PTGIR: variants seen among roughly 807,000 people sequenced by gnomAD.
PTGIR encodes prostacyclin receptor.
A neutral mutation model predicts 17.6 loss-of-function variants in PTGIR; 16 were observed. The ratio of observed to expected loss-of-function variants is 0.91; its 90% confidence interval spans 0.61 to 1.38. The LOEUF is 1.38. Ranked by LOEUF, PTGIR falls within the 40% of genes most tolerant of loss-of-function variation. The probability of loss-of-function intolerance (pLI) is 0.00; values close to 1 mark genes in which losing one functional copy is unlikely to be tolerated. For synonymous variants in PTGIR, 274 were observed against 255.4 expected (o/e 1.07, Z -0.69); for missense variants, 532 against 548.6 (o/e 0.97, Z 0.30).
At position 46,623,876 on chromosome 19, in the gene PTGIR, C is replaced by A. The variant is rs1194210221; in HGVS notation, c.350G>T (p.Arg117Leu). 6.2e-7 allele frequency: 1 copy of A among 1,610,252 alleles called. No individual in the cohort carries two copies. Among genetic ancestry groups the A allele is most frequent in the East Asian group, 2.2e-5 (1 of 44,808 alleles). The change falls in exon 2 of 3, where the codon CGC becomes CTC. Residue 117 changes from arginine to leucine, a missense_variant. Coordinates refer to ENST00000291294, the MANE Select transcript of PTGIR (RefSeq NM_000960.4). ...GTAGGGGTGGCTCAGCGCCAGGCAG[C>A]GCTCCACGGCCATGGCAAAGAGGAT... is the stretch of plus-strand genomic sequence containing the variant. ...MLILFAMAVE[R>L]CLALSHPYLY...
chr19:46,619,531 AAGAAAGAAAGAAAGAAAG>A (rs1426126089), downstream of PTGIR, among the ~76,000 whole-genome samples: 26 of 70,548 alleles, frequency 3.7e-4, no homozygotes, highest in Non-Finnish European at 5.7e-4. Context: ...GAAAGAAAGA[AAGAAAGAAAGAAAGAAAG>A]AGAGAGAGAG....
At chr19:46,619,638 AAAG>A (rs1972026972), downstream of PTGIR, among the ~76,000 whole-genome samples, 1 of 138,580 alleles carries the variant, frequency 7.2e-6, no homozygotes, top group African/African-American at 2.9e-5. Flanking sequence ...AGAAAGAAAG[AAAG>A]AAAGAAAGAA....
At chr19:46,614,675 G>C in the PTGIR span, among the ~76,000 whole-genome samples, 1 of 152,152 alleles carries the variant, frequency 6.6e-6, no homozygotes, top group Non-Finnish European at 1.5e-5. Flanking sequence ...TCAGGAGTTT[G>C]AGACCAGCCT....
At chr19:46,616,681 C>T (rs1186808211), downstream of PTGIR, among the ~76,000 whole-genome samples, 1 of 152,182 alleles carries the variant, frequency 6.6e-6, no homozygotes, top group African/African-American at 2.4e-5. Context: ...CTCAGGTCCC[C>T]GCTCAGCCAT....
chr19:46,611,011 G>A, the PTGIR span, among the ~76,000 whole-genome samples: 493 of 152,288 alleles, frequency 3.2e-3, 4 homozygotes, highest in African/African-American at 0.011. Context: ...AGAGATAGTC[G>A]CACAAATGGA....
In PTGIR at chr19:46,623,674, G is replaced by T; in HGVS notation, c.552C>A (p.Phe184Leu). ...CCACCAGGCCGGCGTAGGCCAGCGA[G>T]AAGGCGGCGCCGCCCGGCTGGGCCC... ...MRWAQPGGAA[F>L]SLAYAGLVAL... is the part of the protein sequence containing the mutation. Residue 184 changes from phenylalanine to leucine, a missense_variant, in exon 2 of 3, where the codon TTC (phenylalanine) becomes TTA (leucine). Physicochemically the swap from Phe to Leu is conservative, Grantham distance 22 (BLOSUM62 0). Coordinates refer to ENST00000291294, the MANE Select transcript of PTGIR (RefSeq NM_000960.4). 1 of 1,550,584 alleles carries T rather than the reference G, an allele frequency of 6.4e-7. No individual in the cohort carries two copies. Among genetic ancestry groups the T allele is most frequent in the Non-Finnish European group, 8.7e-7 (1 of 1,150,362 alleles).
chr19:46,615,268 A>G, the PTGIR span, among the ~76,000 whole-genome samples: 1 of 152,256 alleles, frequency 6.6e-6, no homozygotes, highest in Non-Finnish European at 1.5e-5. Flanking sequence ...TTTGCATTGA[A>G]TTAGGTGTTA....
chr19:46,614,145 C>A, the PTGIR span, among the ~76,000 whole-genome samples: 23,447 of 152,192 alleles, frequency 0.15, 2,070 homozygotes, highest in African/African-American at 0.23. Flanking sequence ...GTCTACCAGA[C>A]CAGCTCAAAA....
chr19:46,619,547 AAGAGAGAGAGAGAG>A (rs200797814), downstream of PTGIR, among the ~76,000 whole-genome samples: 161 of 87,864 alleles, frequency 1.8e-3, 2 homozygotes, highest in South Asian at 8.5e-3. Context: ...GAAAGAAAGA[AAGAGAGAGAGAGAG>A]AGAGAGAGAG....
Position 46,625,032 on chromosome 19 carries a change from G to C in PTGIR, c.-48C>G, listed in dbSNP as rs1358622913. The C allele has an allele frequency of 6.5e-6, 1 of 153,904 alleles. No individual in the cohort carries two copies. Among genetic ancestry groups the C allele is most frequent in the Non-Finnish European group, 1.4e-5 (1 of 69,208 alleles). The allele number at this position is 153,904 out of a possible 1,614,324, so 9.5% of individuals were successfully genotyped here. ...TTGCCCAGGCTCTCCTGTCCCGTGCGTCTGTGCCTTCACTTGCTTTGCTCC... is the reference window on the plus strand; with the variant it reads ...TTGCCCAGGCTCTCCTGTCCCGTGCCTCTGTGCCTTCACTTGCTTTGCTCC... On this transcript the variant is annotated 5_prime_UTR_variant, in exon 1 of 3. Transcript: ENST00000291294. This position sits in a 1 kb window ranked among gnomAD's most constrained non-coding sequence, Gnocchi z 4.9.
Position 46,621,270 on chromosome 19 carries a change from G to T in PTGIR, c.*10C>A. On this transcript the variant is annotated 3_prime_UTR_variant, in exon 3 of 3. Coordinates refer to ENST00000291294, the MANE Select transcript of PTGIR (RefSeq NM_000960.4). The surrounding 1 kb of genome is among the most constrained non-coding windows in gnomAD (Gnocchi z 4.8). ...AGACAGGGCAGAGATCACAGGGTCA[G>T]CTTGAAATGTCAGCAGAGGGAGCAG... is the stretch of plus-strand genomic sequence containing the variant. 6.6e-7 allele frequency: 1 copy of T among 1,504,676 alleles called. No individual in the cohort carries two copies. Among genetic ancestry groups the T allele is most frequent in the Non-Finnish European group, 8.9e-7 (1 of 1,125,820 alleles). 93.2% of individuals were successfully genotyped at this position (1,504,676 alleles called of 1,614,324 possible).
chr19:46,624,440 C>T, intron 1 of PTGIR: 2 of 448,544 alleles, frequency 4.5e-6, no homozygotes, highest in Non-Finnish European at 7.8e-6. Flanking sequence ...CTTCCTGTTT[C>T]TCTTTCTCTC....
chr19:46,618,618 A>T (rs889816916), downstream of PTGIR, among the ~76,000 whole-genome samples: 11 of 151,866 alleles, frequency 7.2e-5, no homozygotes, highest in African/African-American at 2.2e-4. Context: ...TATTTTTTAA[A>T]TTTTTTTTTA....
the PTGIR span, among the ~76,000 whole-genome samples, chr19:46,613,959 C>A: frequency 1.3e-5 from 2 of 152,208 alleles, no homozygotes; most frequent in African/African-American, 4.8e-5. Flanking sequence ...ACTTTTACTG[C>A]CAGACAGGCT....
At chr19:46,613,145 G>A in the PTGIR span, among the ~76,000 whole-genome samples, 1 of 138,350 alleles carries the variant, frequency 7.2e-6, no homozygotes, top group Admixed American at 8.1e-5. Flanking sequence ...CCAGGTTCAA[G>A]TGATTCTCCT....
Position 46,623,832 on chromosome 19 carries a change from C to A in PTGIR, c.394G>T (p.Gly132Trp). The A allele has an allele frequency of 1.2e-6, 2 of 1,607,398 alleles. No homozygotes were observed. Among genetic ancestry groups the A allele is most frequent in the Non-Finnish European group, 1.7e-6 (2 of 1,178,176 alleles). Residue 132 changes from glycine to tryptophan, a missense_variant, in exon 2 of 3, where the codon GGG becomes TGG. By Grantham distance (184) the Gly-to-Trp change is radical. Coordinates refer to ENST00000291294, the MANE Select transcript of PTGIR (RefSeq NM_000960.4). ...AGCGCCAGGCGGGCGCAGCGGGGCC[C>A]GTCCAGCTGCGCGTAGAGGTAGGGG... Reference protein sequence around the residue: ...SHPYLYAQLDGPRCARLALPA... With the variant: ...SHPYLYAQLDWPRCARLALPA...
At chr19:46,619,654 A>AAAGAAAAG (rs1263434350), downstream of PTGIR, among the ~76,000 whole-genome samples, 21 of 89,200 alleles carry the variant, frequency 2.4e-4, no homozygotes, top group African/African-American at 7.0e-4. Flanking sequence ...AGAAAGAAAG[A>AAAGAAAAG]AAAGAAAGAA....
At chr19:46,619,780 C>T (rs529709530), downstream of PTGIR, among the ~76,000 whole-genome samples, 180 of 152,284 alleles carry the variant, frequency 1.2e-3, no homozygotes, top group Non-Finnish European at 2.1e-3. Flanking sequence ...CCTCACGTAC[C>T]GCGCCTCTCC....
In PTGIR at chr19:46,624,082, G is replaced by A; in HGVS notation, c.144C>T (p.Ala48=). Residue 48 remains alanine (A), a synonymous_variant, in exon 2 of 3, where the codon GCC becomes GCT. Coordinates refer to ENST00000291294, the MANE Select transcript of PTGIR (RefSeq NM_000960.4). ...LSARRPARPS[A]FAVLVTGLAA... ...CCAGTCCGGTCACCAGCACCGCGAA[G>A]GCCGAGGGGCGCGCCGGTCGCCGTG... 6.5e-7 allele frequency: 1 copy of A among 1,541,922 alleles called. No individual in the cohort carries two copies. The highest frequency in any genetic ancestry group is 2.4e-5 in the East Asian group (1 of 41,354).
Sources: gnomAD v4.1 joint callset for allele counts (sites outside exome capture counted in the v4.1 genomes callset) on GRCh38, gnomAD v4.1.1 for gene constraint, Gnocchi (gnomAD v3.1) non-coding constraint, MANE v1.5 for transcripts, NCBI Gene and HGNC (gene_info 2026-07-23, HGNC 2026-07-21) for gene names.